Variants in RGS6 observed in about 807,000 individuals in gnomAD.
The protein encoded by RGS6 is regulator of G-protein signaling 6.
Under a neutral mutation model 78.5 loss-of-function variants are expected in RGS6, and 30 were observed. That is an observed-to-expected ratio of 0.38 (90% CI 0.29 to 0.52). RGS6 has a LOEUF of 0.52. Ranked by LOEUF, RGS6 falls within the 20% of genes least tolerant of loss-of-function variation. The pLI, the probability that RGS6 is intolerant of heterozygous loss-of-function variation, is 0.85. For missense variants in RGS6, 495 were observed against 609.7 expected (o/e 0.81, Z 1.98); for synonymous variants, 206 against 206.0 (o/e 1.00, Z 0.00).
chr14:72,022,533 T>A (rs1029443008), intron 2 of RGS6: 3 of 152,204 alleles, frequency 2.0e-5, no homozygotes, highest in Admixed American at 1.3e-4. Context: ...ACAATTATGA[T>A]TCCCATTTTG....
At chr14:72,269,176 C>A (rs1055719126) in intron 2 of RGS6, among the ~76,000 whole-genome samples, 2 of 150,968 alleles carry the variant, frequency 1.3e-5, no homozygotes, top group African/African-American at 4.9e-5. Flanking sequence ...CATCATCTCT[C>A]TCCTGGAGCA....
chr14:72,339,696 G>A (rs1480635585), intron 2 of RGS6, among the ~76,000 whole-genome samples: 1 of 152,140 alleles, frequency 6.6e-6, no homozygotes, highest in Non-Finnish European at 1.5e-5. Flanking sequence ...TTACAGAGCA[G>A]GAACAGCACT....
chr14:72,084,302 G>A (rs1167512171), intron 2 of RGS6, among the ~76,000 whole-genome samples: 1 of 152,154 alleles, frequency 6.6e-6, no homozygotes, highest in East Asian at 1.9e-4. Flanking sequence ...AGGAGGTGAG[G>A]CTCAGGTGGT....
At chr14:72,113,741 G>T (rs535123030) in intron 2 of RGS6, among the ~76,000 whole-genome samples, 3 of 152,322 alleles carry the variant, frequency 2.0e-5, no homozygotes, top group Admixed American at 2.0e-4. Context: ...GGGATAGATG[G>T]TGCATGTCCT....
chr14:72,393,969 G>A (rs2090578249), intron 3 of RGS6, among the ~76,000 whole-genome samples: 1 of 152,200 alleles, frequency 6.6e-6, no homozygotes, highest in South Asian at 2.1e-4. Flanking sequence ...ACTTGAGCCA[G>A]GAGCCTCTGT....
intron 2 of RGS6, among the ~76,000 whole-genome samples, chr14:72,141,342 A>G (rs1390358958): frequency 6.6e-6 from 1 of 152,110 alleles, no homozygotes; most frequent in Non-Finnish European, 1.5e-5. Context: ...TTGAGTACTC[A>G]GTTCTGTCTC....
At chr14:71,975,115 C>A (rs558858616) in intron 2 of RGS6, among the ~76,000 whole-genome samples, 6 of 152,332 alleles carry the variant, frequency 3.9e-5, no homozygotes, top group African/African-American at 1.4e-4. Flanking sequence ...GATTGTGCCA[C>A]CACACTCTAG....
chr14:72,361,157 A>G (rs567216200), intron 3 of RGS6, among the ~76,000 whole-genome samples: 13 of 150,266 alleles, frequency 8.7e-5, no homozygotes, highest in African/African-American at 2.9e-4. Context: ...ATGTACTAAT[A>G]CAGTGACCTT....
intron 2 of RGS6, among the ~76,000 whole-genome samples, chr14:72,309,714 T>A (rs141334789): frequency 1.3e-5 from 2 of 152,344 alleles, no homozygotes; most frequent in African/African-American, 2.4e-5. Flanking sequence ...TTTAAATAGG[T>A]TCTTTCTCTC....
At chr14:72,252,134 A>T (rs529721212) in intron 2 of RGS6, among the ~76,000 whole-genome samples, 1 of 152,218 alleles carries the variant, frequency 6.6e-6, no homozygotes, top group African/African-American at 2.4e-5. Context: ...CCTGTGGAAG[A>T]TCCCTGGAGG....
chr14:72,025,417 T>C (rs1156884569), intron 2 of RGS6, among the ~76,000 whole-genome samples: 1 of 152,122 alleles, frequency 6.6e-6, no homozygotes, highest in African/African-American at 2.4e-5. Context: ...AGAAAATGAC[T>C]TAACTCACCT....
chr14:72,041,647 G>A (rs2092410024), intron 2 of RGS6, among the ~76,000 whole-genome samples: 2 of 152,208 alleles, frequency 1.3e-5, no homozygotes, highest in South Asian at 2.1e-4. Flanking sequence ...GAAAGGCTAA[G>A]AATAGCAAAA....
At chr14:71,880,362 AAATT>A in the RGS6 span, among the ~76,000 whole-genome samples, 11 of 152,218 alleles carry the variant, frequency 7.2e-5, no homozygotes, top group African/African-American at 2.7e-4. Flanking sequence ...GAGGAGCTGA[AAATT>A]AATCCCCAAG....
At chr14:72,039,389 A>C (rs930796599) in intron 2 of RGS6, among the ~76,000 whole-genome samples, 12 of 152,168 alleles carry the variant, frequency 7.9e-5, no homozygotes, top group African/African-American at 2.9e-4. Flanking sequence ...TTAGGGCCTC[A>C]CGTTTATACT....
At chr14:72,008,049 G>A (rs1199885476) in intron 2 of RGS6, among the ~76,000 whole-genome samples, 1 of 152,196 alleles carries the variant, frequency 6.6e-6, no homozygotes, top group African/African-American at 2.4e-5. Flanking sequence ...ATTTCAAAGG[G>A]TGAGACTAAA....
intron 2 of RGS6, among the ~76,000 whole-genome samples, chr14:72,194,690 A>C (rs577564655): frequency 3.0e-4 from 45 of 147,654 alleles, no homozygotes; most frequent in Non-Finnish European, 6.2e-4. Flanking sequence ...AAGAAACAGA[A>C]AATAAAGGTA....
At chr14:72,166,364 T>C (rs570603710) in intron 2 of RGS6, among the ~76,000 whole-genome samples, 1 of 152,354 alleles carries the variant, frequency 6.6e-6, no homozygotes, top group South Asian at 2.1e-4. Context: ...AAATTAATCC[T>C]GAATACAGAC....
intron 3 of RGS6, among the ~76,000 whole-genome samples, chr14:72,400,689 A>T (rs79725938): frequency 0.015 from 2,344 of 152,346 alleles, 69 homozygotes; most frequent in African/African-American, 0.054. Context: ...ATGCATATAC[A>T]TAAGTAGAAG....
chr14:72,149,410 G>A (rs1160239697), intron 2 of RGS6, among the ~76,000 whole-genome samples: 5 of 152,132 alleles, frequency 3.3e-5, no homozygotes, highest in Non-Finnish European at 7.3e-5. Flanking sequence ...CACATGGCGG[G>A]GCAGAGAAGA....
Sources: allele counts gnomAD v4.1 joint callset (sites outside exome capture counted in the v4.1 genomes callset), GRCh38; gene constraint gnomAD v4.1.1; transcripts MANE v1.5; gene names NCBI Gene and HGNC (gene_info 2026-07-23, HGNC 2026-07-21).